Variants in INPP4B observed in about 807,000 individuals in gnomAD.
INPP4B encodes the protein inositol polyphosphate-4-phosphatase type II B.
A neutral mutation model predicts 122.5 loss-of-function variants in INPP4B; 55 were observed. The ratio of observed to expected loss-of-function variants is 0.45; its 90% confidence interval spans 0.36 to 0.56. The LOEUF (loss-of-function observed/expected upper bound fraction) is 0.56, where lower values mean the gene tolerates loss of function less well. INPP4B is among the 20% of genes least tolerant of loss of function. The probability of loss-of-function intolerance (pLI) is 0.00; values close to 1 mark genes in which losing one functional copy is unlikely to be tolerated. For missense variants in INPP4B, 1,000 were observed against 1,097.7 expected, an observed-to-expected ratio of 0.91 and a Z score of 1.26; for synonymous variants, 403 against 388.7, an observed-to-expected ratio of 1.04 and a Z score of -0.43.
In INPP4B at chr4:142,260,577, GT is replaced by G. The variant is rs745535069; in HGVS notation, c.616-14del. 8.5e-5 allele frequency: 105 copies of G among 1,228,954 alleles called. No homozygotes were observed. The South Asian group carries it at 1.5e-3, about 18-fold the overall frequency. 76.1% of individuals were successfully genotyped at this position (1,228,954 alleles called of 1,614,324 possible). A position where few individuals can be genotyped will look rare whatever the true frequency, so the allele number is the denominator to read the frequency against. Reference sequence around the variant, plus strand: ...ATACCAGGGCACACTAGGAAAAAATGTAAAAAAAAAAAAAAAATTTTGAGAA... The same window carrying G: ...ATACCAGGGCACACTAGGAAAAAATGAAAAAAAAAAAAAAAATTTTGAGAA... On this transcript the variant is annotated splice_polypyrimidine_tract_variant and intron_variant, in intron 10 of 25. Transcript: ENST00000262992.
intron 11 of INPP4B, among the ~76,000 whole-genome samples, chr4:142,256,502 A>G (rs1339112378): frequency 6.6e-6 from 1 of 152,232 alleles, no homozygotes; most frequent in African/African-American, 2.4e-5. Flanking sequence ...AATAGATGCA[A>G]TAAAAAATGA....
intron 2 of INPP4B, among the ~76,000 whole-genome samples, chr4:142,623,653 C>G (rs964892264): frequency 4.6e-5 from 7 of 151,634 alleles, no homozygotes; most frequent in Non-Finnish European, 1.0e-4. Context: ...GTGCCATGCT[C>G]GTGTGCTGCA....
At chr4:142,090,069 G>C (rs115391562) in intron 23 of INPP4B, among the ~76,000 whole-genome samples, 1,789 of 152,268 alleles carry the variant, frequency 0.012, 13 homozygotes, top group Non-Finnish European at 0.019. Context: ...CTCCAGAACA[G>C]AGCATGATTT....
At chr4:142,720,934 T>C (rs898363283) in intron 2 of INPP4B, among the ~76,000 whole-genome samples, 30 of 141,222 alleles carry the variant, frequency 2.1e-4, no homozygotes, top group African/African-American at 7.7e-4. Context: ...GTGTATGATT[T>C]TCAGCATCAT....
At chr4:142,734,411 C>T (rs1766523665) in intron 1 of INPP4B, among the ~76,000 whole-genome samples, 1 of 152,150 alleles carries the variant, frequency 6.6e-6, no homozygotes, top group Non-Finnish European at 1.5e-5. Context: ...GGAGGAAACG[C>T]TCTGAGGAGG....
At chr4:142,646,354 T>C (rs1751775410) in intron 2 of INPP4B, among the ~76,000 whole-genome samples, 2 of 152,046 alleles carry the variant, frequency 1.3e-5, no homozygotes, top group South Asian at 4.2e-4. Flanking sequence ...GAAGATCCTA[T>C]TTTTAAAAAA....
chr4:142,260,636 G>A (rs753676920), intron 10 of INPP4B, 72 bp from the exon 11 acceptor site: 14 of 1,038,350 alleles, frequency 1.3e-5, no homozygotes, highest in Non-Finnish European at 1.9e-5. Flanking sequence ...TATTTTATTT[G>A]CAAAACATAA....
chr4:142,609,004 T>A (rs775734431), intron 2 of INPP4B, among the ~76,000 whole-genome samples: 2 of 152,112 alleles, frequency 1.3e-5, no homozygotes, highest in Non-Finnish European at 2.9e-5. Context: ...ACTCTTATTA[T>A]GCTTCAAAGG....
chr4:142,255,128 A>T (rs1040758525), intron 11 of INPP4B, among the ~76,000 whole-genome samples: 4 of 151,962 alleles, frequency 2.6e-5, no homozygotes, highest in African/African-American at 4.8e-5. Flanking sequence ...AAGGAGAAAT[A>T]AAATACTTTA....
chr4:142,750,426 C>G (rs978110545), intron 1 of INPP4B, among the ~76,000 whole-genome samples: 6 of 152,060 alleles, frequency 3.9e-5, no homozygotes, highest in Non-Finnish European at 7.4e-5. Flanking sequence ...AAGAATCTAT[C>G]ATTTACCAAG....
intron 11 of INPP4B, among the ~76,000 whole-genome samples, chr4:142,242,451 T>C (rs1280448773): frequency 6.6e-6 from 1 of 152,214 alleles, no homozygotes; most frequent in Non-Finnish European, 1.5e-5. Flanking sequence ...ATTTCATCTG[T>C]AGAATTTGGA....
chr4:142,372,347 C>A (rs1056153546), intron 7 of INPP4B, among the ~76,000 whole-genome samples: 1 of 151,952 alleles, frequency 6.6e-6, no homozygotes, highest in African/African-American at 2.4e-5. Context: ...TTCAACAGCA[C>A]AATAGTTAAC....
At chr4:142,032,542 T>C (rs1223995459) in intron 25 of INPP4B, among the ~76,000 whole-genome samples, 1 of 152,226 alleles carries the variant, frequency 6.6e-6, no homozygotes, top group African/African-American at 2.4e-5. Flanking sequence ...ATTGCCAATA[T>C]GTATCTCATT....
intron 11 of INPP4B, among the ~76,000 whole-genome samples, chr4:142,246,904 G>T (rs1430557134): frequency 6.6e-6 from 1 of 152,160 alleles, no homozygotes; most frequent in African/African-American, 2.4e-5. Flanking sequence ...TCCAGCTTTT[G>T]CCCATTCAGT....
At chr4:142,628,134 C>T (rs948842534) in intron 2 of INPP4B, among the ~76,000 whole-genome samples, 9 of 150,922 alleles carry the variant, frequency 6.0e-5, no homozygotes, top group African/African-American at 1.9e-4. Flanking sequence ...CGGCATTATT[C>T]ACAATAGCAA....
chr4:142,433,541 T>A (rs1809786613), intron 3 of INPP4B, among the ~76,000 whole-genome samples: 1 of 152,194 alleles, frequency 6.6e-6, no homozygotes, highest in Non-Finnish European at 1.5e-5. Flanking sequence ...TAACAGATAT[T>A]TGTTAATATT....
intron 7 of INPP4B, among the ~76,000 whole-genome samples, chr4:142,370,142 C>G (rs2148687191): frequency 6.6e-6 from 1 of 152,218 alleles, no homozygotes; most frequent in Admixed American, 6.5e-5. Context: ...AAGTTAGATG[C>G]TCAAGGTCAC....
intron 18 of INPP4B, among the ~76,000 whole-genome samples, chr4:142,133,726 G>C (rs1348427393): frequency 6.6e-6 from 1 of 152,048 alleles, no homozygotes; most frequent in Non-Finnish European, 1.5e-5. Flanking sequence ...TGGCTTCCTT[G>C]TTGTTTCCTG....
At chr4:142,297,139 A>G (rs1759105405) in intron 9 of INPP4B, among the ~76,000 whole-genome samples, 1 of 152,194 alleles carries the variant, frequency 6.6e-6, no homozygotes, top group South Asian at 2.1e-4. Context: ...TTTTTAGTCT[A>G]AATAAGTATT....
Sources: allele counts gnomAD v4.1 joint callset (sites outside exome capture counted in the v4.1 genomes callset), GRCh38; gene constraint gnomAD v4.1.1; transcripts MANE v1.5; gene names NCBI Gene and HGNC (gene_info 2026-07-23, HGNC 2026-07-21).